The following CNTN5 variants were observed in gnomAD, a reference collection of about 807,000 sequenced individuals.
CNTN5 encodes the protein contactin-5.
In CNTN5, 77 loss-of-function variants were observed where a neutral mutation model predicts 129.1. That is an observed-to-expected ratio of 0.60 (90% CI 0.50 to 0.72). The LOEUF (loss-of-function observed/expected upper bound fraction) is 0.72, where lower values mean the gene tolerates loss of function less well. Ranked by LOEUF, CNTN5 falls within the 30% of genes least tolerant of loss-of-function variation. CNTN5 has a pLI of 0.00. For synonymous variants in CNTN5, 509 were observed against 465.6 expected (o/e 1.09, Z -1.20); for missense variants, 1,478 against 1,328.8 (o/e 1.11, Z -1.75).
intron 1 of CNTN5, among the ~76,000 whole-genome samples, chr11:99,268,338 T>C (rs1028685476): frequency 3.3e-5 from 5 of 152,004 alleles, no homozygotes; most frequent in Admixed American, 3.3e-4. Flanking sequence ...GCCAAAATGA[T>C]TTAACCATTT....
chr11:100,200,530 G>A (rs1948752803), intron 15 of CNTN5, among the ~76,000 whole-genome samples: 1 of 151,780 alleles, frequency 6.6e-6, no homozygotes, highest in South Asian at 2.1e-4. Context: ...ATAGTTACTA[G>A]TATCCTTGCA....
intron 2 of CNTN5, among the ~76,000 whole-genome samples, chr11:99,340,410 A>C (rs1866456879): frequency 6.6e-6 from 1 of 152,194 alleles, no homozygotes; most frequent in South Asian, 2.1e-4. Context: ...ACCAAAACAT[A>C]GATTACAGAG....
intron 2 of CNTN5, among the ~76,000 whole-genome samples, chr11:99,403,008 CTTTT>C (rs56376015): frequency 0.37 from 53,251 of 142,044 alleles, 11,117 homozygotes; most frequent in African/African-American, 0.59. Flanking sequence ...TGTTAAACTT[CTTTT>C]TTTTTTTTTT....
chr11:100,206,329 A>G (rs1160558786), intron 15 of CNTN5, among the ~76,000 whole-genome samples: 1 of 152,088 alleles, frequency 6.6e-6, no homozygotes, highest in African/African-American at 2.4e-5. Context: ...ATAAATAATG[A>G]TCTTATAGTT....
At chr11:100,111,263 G>A (rs779651069) in intron 13 of CNTN5, among the ~76,000 whole-genome samples, 8 of 152,050 alleles carry the variant, frequency 5.3e-5, no homozygotes, top group East Asian at 1.9e-4. Context: ...AACCAGTGCC[G>A]TTTTTTGTTT....
At chr11:99,648,120 A>G (rs1952031883) in intron 3 of CNTN5, among the ~76,000 whole-genome samples, 1 of 151,778 alleles carries the variant, frequency 6.6e-6, no homozygotes, top group Non-Finnish European at 1.5e-5. Flanking sequence ...TTGTCGAGTG[A>G]TTTTATCATG....
intron 3 of CNTN5, among the ~76,000 whole-genome samples, chr11:99,731,630 C>G (rs1487001309): frequency 6.6e-6 from 1 of 152,116 alleles, no homozygotes; most frequent in Non-Finnish European, 1.5e-5. Context: ...TAAAAATGGG[C>G]ATTTCTAATC....
chr11:100,045,652 T>TGG (rs1233185527), intron 9 of CNTN5, among the ~76,000 whole-genome samples: 2 of 151,724 alleles, frequency 1.3e-5, no homozygotes, highest in Non-Finnish European at 2.9e-5. Context: ...AAAATGAGAC[T>TGG]GGAAACCAGT....
chr11:100,355,281 A>G (rs1383383805), intron 24 of CNTN5, among the ~76,000 whole-genome samples: 1 of 151,728 alleles, frequency 6.6e-6, no homozygotes, highest in East Asian at 1.9e-4. Context: ...GGCCTAGGTC[A>G]GGATCATCAA....
Position 99,755,592 on chromosome 11 carries a change from T to C in CNTN5, c.56-63952T>C, listed in dbSNP as rs537279537. Among the ~76,000 whole-genome samples, 4 of 152,306 alleles carry C rather than the reference T, an allele frequency of 2.6e-5. No individual in the cohort carries two copies. In the South Asian group the frequency reaches 8.3e-4, roughly 32 times the overall value. The stretch of plus-strand genomic sequence containing the variant: ...ATTTTTTTTATTAACATTTAAATGT[T>C]CTTTGTACATTTTGGATGACAGTTC... On this transcript the variant is annotated intron_variant, in intron 3 of 24. Transcript: ENST00000524871.
At chr11:100,035,607 T>C in intron 9 of CNTN5, among the ~76,000 whole-genome samples, 1 of 142,062 alleles carries the variant, frequency 7.0e-6, no homozygotes, top group Non-Finnish European at 1.5e-5. Flanking sequence ...AGTGTTCCTA[T>C]TTCTCCACAT....
intron 11 of CNTN5, among the ~76,000 whole-genome samples, chr11:100,071,163 G>A (rs1167989316): frequency 2.0e-5 from 3 of 151,878 alleles, no homozygotes; most frequent in East Asian, 1.9e-4. Context: ...TATATTGTCT[G>A]ACCAATAATT....
chr11:99,867,448 G>T (rs1245015205), intron 6 of CNTN5, among the ~76,000 whole-genome samples: 2 of 152,160 alleles, frequency 1.3e-5, no homozygotes, highest in African/African-American at 2.4e-5. Flanking sequence ...TTCCAATACG[G>T]GTCTTGCAGA....
At chr11:99,688,817 C>T (rs1292482290) in intron 3 of CNTN5, among the ~76,000 whole-genome samples, 2 of 152,060 alleles carry the variant, frequency 1.3e-5, no homozygotes, top group African/African-American at 4.8e-5. Context: ...TTAATGTATT[C>T]TCATGATTTA....
In CNTN5 at chr11:99,866,428, A is replaced by G. The variant is rs1264300700; in HGVS notation, c.577+21166A>G. On this transcript the variant is annotated intron_variant, in intron 6 of 24. Coordinates refer to ENST00000524871, the MANE Select transcript of CNTN5 (RefSeq NM_014361.4). ...ATACTTATATATTTTAATTTGCAAT[A>G]CAATCTGCAAGAAAGCCATTTTTAT... 2.6e-5 allele frequency among the ~76,000 whole-genome samples: 4 copies of G among 152,288 alleles called. No homozygotes were observed. In the East Asian group the frequency reaches 5.8e-4, roughly 22 times the overall value.
At chr11:99,810,690 G>C (rs376057460) in intron 3 of CNTN5, among the ~76,000 whole-genome samples, 1 of 152,214 alleles carries the variant, frequency 6.6e-6, no homozygotes, top group East Asian at 1.9e-4. Flanking sequence ...GCTTTGCTGA[G>C]GTGTTTCATC....
chr11:99,388,142 G>A (rs1441925360), intron 2 of CNTN5, among the ~76,000 whole-genome samples: 2 of 151,842 alleles, frequency 1.3e-5, no homozygotes, highest in African/African-American at 4.8e-5. Context: ...ATGGCTGGAC[G>A]CGGGGGCTCA....
chr11:99,123,990 T>C (rs1295006555), intron 1 of CNTN5, among the ~76,000 whole-genome samples: 1 of 151,954 alleles, frequency 6.6e-6, no homozygotes, highest in Non-Finnish European at 1.5e-5. Flanking sequence ...GGTCCTTTTT[T>C]CTTAGATTTG....
At chr11:99,133,551 A>T (rs1859054605) in intron 1 of CNTN5, among the ~76,000 whole-genome samples, 1 of 151,494 alleles carries the variant, frequency 6.6e-6, no homozygotes, top group Non-Finnish European at 1.5e-5. Flanking sequence ...ACTTAAGCAA[A>T]TTTACAAGAA....
Sources: gnomAD v4.1 joint callset for allele counts (sites outside exome capture counted in the v4.1 genomes callset) on GRCh38, gnomAD v4.1.1 for gene constraint, MANE v1.5 for transcripts, NCBI Gene and HGNC (gene_info 2026-07-23, HGNC 2026-07-21) for gene names.